ROBO2: variants seen among roughly 807,000 people sequenced by gnomAD.
The protein encoded by ROBO2 is roundabout homolog 2.
In ROBO2, 53 loss-of-function variants were observed where a neutral mutation model predicts 160.8. The ratio of observed to expected loss-of-function variants is 0.33; its 90% CI spans 0.26 to 0.41. ROBO2 has a LOEUF of 0.41. Ranked by LOEUF, ROBO2 falls within the 10% of genes least tolerant of loss-of-function variation. The probability of loss-of-function intolerance (pLI) is 1.00; values close to 1 mark genes in which losing one functional copy is unlikely to be tolerated. For synonymous variants in ROBO2, 664 were observed against 611.7 expected (o/e 1.09, Z -1.26); for missense variants, 1,577 against 1,722.4 (o/e 0.92, Z 1.49).
chr3:77,476,366 GTA>G lies in ROBO2; in HGVS notation c.389-1046_389-1045del, dbSNP rs1216017936. Among the ~76,000 whole-genome samples the G allele has an allele frequency of 5.8e-3, 639 of 110,228 alleles. 9 individuals are homozygous for G. Among genetic ancestry groups the G allele is most frequent in the African/African-American group, 0.023 (614 of 26,686 alleles). The allele number at this position is 110,228 out of a possible 152,430, so 72.3% of individuals were successfully genotyped here. A position where few individuals can be genotyped will look rare whatever the true frequency, so the allele number is the denominator to read the frequency against. On this transcript the variant is annotated intron_variant, in intron 2 of 25. Transcript: ENST00000461745. ...GCTTGATGTGTGCATGTGTCTGTGG[GTA>G]TGTGTGTGTGTGTGTGTGTGTGTGT...
intron 2 of ROBO2, among the ~76,000 whole-genome samples, chr3:76,815,734 T>A (rs1005094381): frequency 1.3e-5 from 2 of 152,060 alleles, no homozygotes; most frequent in African/African-American, 2.4e-5. Flanking sequence ...AACATGCACA[T>A]ACCATTTTCC....
At chr3:77,296,602 G>C (rs1452863925) in intron 2 of ROBO2, among the ~76,000 whole-genome samples, 1 of 152,012 alleles carries the variant, frequency 6.6e-6, no homozygotes, top group Admixed American at 6.6e-5. Context: ...TGTATTCCCT[G>C]GACATTGAGA....
intron 16 of ROBO2, among the ~76,000 whole-genome samples, chr3:77,587,977 G>C (rs563366899): frequency 7.4e-4 from 112 of 152,038 alleles, no homozygotes; most frequent in African/African-American, 2.6e-3. Context: ...TATCTGAGAG[G>C]CCTAAATTTT....
intron 2 of ROBO2, among the ~76,000 whole-genome samples, chr3:76,623,203 G>C (rs6548436): frequency 0.75 from 114,033 of 152,096 alleles, 43,357 homozygotes; most frequent in South Asian, 0.91. Context: ...TGCACATTTG[G>C]GGTGTACTGA....
chr3:77,164,529 G>C (rs2078810177), intron 2 of ROBO2, among the ~76,000 whole-genome samples: 1 of 146,434 alleles, frequency 6.8e-6, no homozygotes, highest in Non-Finnish European at 1.5e-5. Context: ...TGTCCGGGAG[G>C]GAGGTGGGGG....
exon 26 of ROBO2, chr3:77,646,939 C>T (rs1283659434): frequency 6.6e-6 from 1 of 152,478 alleles, no homozygotes; most frequent in Non-Finnish European, 1.5e-5. Context: ...TTTGCAAGAG[C>T]TGTATTTATA....
At chr3:76,688,682 T>A (rs1575981899) in intron 2 of ROBO2, among the ~76,000 whole-genome samples, 1 of 151,904 alleles carries the variant, frequency 6.6e-6, no homozygotes, top group African/African-American at 2.4e-5. Context: ...ATTTGTTAAA[T>A]ATTTATGAAA....
intron 2 of ROBO2, among the ~76,000 whole-genome samples, chr3:76,257,070 G>T (rs1706442082): frequency 6.6e-6 from 1 of 152,000 alleles, no homozygotes; most frequent in Non-Finnish European, 1.5e-5. Flanking sequence ...TAACATTAGG[G>T]ATTACAACTC....
chr3:76,219,556 C>A (rs1308025766), intron 2 of ROBO2, among the ~76,000 whole-genome samples: 1 of 152,162 alleles, frequency 6.6e-6, no homozygotes, highest in Non-Finnish European at 1.5e-5. Context: ...ATTTATGCAG[C>A]CAACAGACAC....
At chr3:77,057,228 G>A (rs1243474291) in intron 1 of ROBO2, among the ~76,000 whole-genome samples, 3 of 152,042 alleles carry the variant, frequency 2.0e-5, no homozygotes, top group Non-Finnish European at 4.4e-5. Context: ...ACCAAACACC[G>A]CATGTTCTCA....
chr3:77,300,900 C>G (rs1209904365), intron 2 of ROBO2, among the ~76,000 whole-genome samples: 2 of 151,442 alleles, frequency 1.3e-5, no homozygotes, highest in African/African-American at 4.9e-5. Flanking sequence ...TTGGCAGAGT[C>G]TCACTCTGTC....
At chr3:75,960,694 A>T (rs1267137082) in intron 2 of ROBO2, among the ~76,000 whole-genome samples, 1 of 151,814 alleles carries the variant, frequency 6.6e-6, no homozygotes, top group African/African-American at 2.4e-5. Context: ...GTAGGCAAGT[A>T]AACTATATCA....
At chr3:76,647,530 T>A (rs1051554296) in intron 2 of ROBO2, among the ~76,000 whole-genome samples, 1 of 152,162 alleles carries the variant, frequency 6.6e-6, no homozygotes, top group African/African-American at 2.4e-5. Flanking sequence ...TTGAAAATGG[T>A]TAAAATCTTT....
intron 2 of ROBO2, among the ~76,000 whole-genome samples, chr3:77,322,724 T>C (rs1282622993): frequency 7.0e-6 from 1 of 143,578 alleles, no homozygotes; most frequent in South Asian, 2.1e-4. Flanking sequence ...AGAACATAGG[T>C]CTAATATATA....
rs551736631 is a variant in ROBO2, at chr3:76,799,435, T to C, written c.110-298579T>C. On this transcript the variant is annotated intron_variant, in intron 2 of 26. Transcript: ENST00000487694. ...AACTGCAAAGGAAAACGTCTAATTA[T>C]CTTTGCTTGCAGTTGATATGTTCTT... Among the ~76,000 whole-genome samples the C allele has an allele frequency of 2.4e-4, 36 of 152,076 alleles. No individual in the cohort carries two copies. The South Asian group carries it at 4.8e-3, about 20-fold the overall frequency.
At chr3:76,679,959 G>T (rs995528481) in intron 2 of ROBO2, among the ~76,000 whole-genome samples, 2 of 152,112 alleles carry the variant, frequency 1.3e-5, no homozygotes, top group Non-Finnish European at 2.9e-5. Flanking sequence ...AGAGATGCTG[G>T]ATTTTGTGGT....
chr3:76,137,708 T>A (rs1364599735), intron 2 of ROBO2, among the ~76,000 whole-genome samples: 1 of 151,938 alleles, frequency 6.6e-6, no homozygotes, highest in Non-Finnish European at 1.5e-5. Context: ...ATCTTTATTA[T>A]TCTTTCCTCA....
At chr3:76,272,927 T>TA (rs1328739444) in intron 2 of ROBO2, among the ~76,000 whole-genome samples, 1 of 19,682 alleles carries the variant, frequency 5.1e-5, no homozygotes, top group Non-Finnish European at 1.7e-4. Flanking sequence ...AATATATATA[T>TA]TTATATATAA....
intron 2 of ROBO2, among the ~76,000 whole-genome samples, chr3:76,458,792 G>A (rs1031970353): frequency 2.6e-5 from 4 of 152,020 alleles, no homozygotes; most frequent in African/African-American, 9.7e-5. Flanking sequence ...AAGCAAAAGC[G>A]GAAACCCCTA....
Sources: gnomAD v4.1 joint callset for allele counts (sites outside exome capture counted in the v4.1 genomes callset) on GRCh38, gnomAD v4.1.1 for gene constraint, MANE v1.5 for transcripts, NCBI Gene and HGNC (gene_info 2026-07-23, HGNC 2026-07-21) for gene names.